Variants in COG5 observed in about 807,000 individuals in gnomAD.
The protein encoded by COG5 is conserved oligomeric Golgi complex subunit 5.
COG5 carries 86 observed loss-of-function variants against 110.4 expected under a neutral mutation model. The ratio of observed to expected loss-of-function variants is 0.78; its 90% CI spans 0.65 to 0.93. The LOEUF (loss-of-function observed/expected upper bound fraction) is 0.93, where lower values mean the gene tolerates loss of function less well. COG5 is among the 40% of genes least tolerant of loss of function. The pLI is 0.00. For synonymous variants in COG5, 360 were observed against 334.6 expected (o/e 1.08, Z -0.83); for missense variants, 1,077 against 987.0 (o/e 1.09, Z -1.22).
At chr7:107,219,225 G>C (rs538203362) in intron 19 of COG5, among the ~76,000 whole-genome samples, 1 of 152,072 alleles carries the variant, frequency 6.6e-6, no homozygotes. Flanking sequence ...GGGAACCCTT[G>C]TACACTGTTG....
intron 6 of COG5, among the ~76,000 whole-genome samples, chr7:107,437,385 G>A (rs1297757217): frequency 6.6e-6 from 1 of 152,114 alleles, no homozygotes; most frequent in Non-Finnish European, 1.5e-5. Flanking sequence ...GCCAAAACCT[G>A]AGGTTTAGGC....
chr7:107,335,790 C>T (rs1359303351), intron 10 of COG5, among the ~76,000 whole-genome samples: 1 of 152,082 alleles, frequency 6.6e-6, no homozygotes, highest in Non-Finnish European at 1.5e-5. Flanking sequence ...ATATTCTATG[C>T]AACTGGAAAC....
In COG5 at chr7:107,211,138, C is replaced by CA; in HGVS notation, c.2255dup (p.Leu752PhefsTer8). On this transcript the variant is annotated frameshift_variant, in exon 20 of 22. Transcript: ENST00000297135. LOFTEE classifies it high-confidence loss of function. ...TCAGTTCAGCGGGTGCTCTCGTGAA[C>CA]AAAAACTGAATAATGATGCTGAACG... is the stretch of plus-strand genomic sequence containing the variant. 3.1e-6 allele frequency: 5 copies of CA among 1,614,046 alleles called. No homozygotes were observed. The highest frequency in any genetic ancestry group is 4.2e-6 in the Non-Finnish European group (5 of 1,179,992).
At chr7:107,284,568 A>G (rs180701317) in intron 12 of COG5, among the ~76,000 whole-genome samples, 100 of 152,330 alleles carry the variant, frequency 6.6e-4, no homozygotes, top group African/African-American at 2.4e-3. Flanking sequence ...AAAAGTATTT[A>G]TGGAAGTCCT....
At chr7:107,408,337 G>C (rs1792016159) in intron 7 of COG5, among the ~76,000 whole-genome samples, 1 of 152,178 alleles carries the variant, frequency 6.6e-6, no homozygotes, top group African/African-American at 2.4e-5. Context: ...TAGATGAGCT[G>C]ATTTCCAAGT....
chr7:107,206,163 G>A (rs1346185321), intron 21 of COG5, among the ~76,000 whole-genome samples: 2 of 152,008 alleles, frequency 1.3e-5, no homozygotes, highest in Non-Finnish European at 1.5e-5. Flanking sequence ...GGGTTTCACC[G>A]TGTTGGCCAG....
intron 19 of COG5, among the ~76,000 whole-genome samples, chr7:107,227,077 G>C (rs1246176491): frequency 6.6e-6 from 1 of 152,124 alleles, no homozygotes; most frequent in African/African-American, 2.4e-5. Context: ...GAAAAAACTT[G>C]GCTCCCTGTC....
intron 10 of COG5, among the ~76,000 whole-genome samples, chr7:107,330,526 T>C (rs1001700690): frequency 1.3e-5 from 2 of 152,212 alleles, no homozygotes; most frequent in Non-Finnish European, 2.9e-5. Context: ...TTTTTCTCTT[T>C]ATAACACCAA....
chr7:107,282,948 T>C (rs1017297514), intron 13 of COG5, among the ~76,000 whole-genome samples: 2 of 152,236 alleles, frequency 1.3e-5, no homozygotes, highest in African/African-American at 4.8e-5. Context: ...TCTACTATTA[T>C]GACAACTTGT....
chr7:107,349,845 A>C (rs1473522610), intron 10 of COG5, among the ~76,000 whole-genome samples: 4 of 152,176 alleles, frequency 2.6e-5, no homozygotes, highest in Non-Finnish European at 5.9e-5. Flanking sequence ...GGCGTGAGCC[A>C]CAGCGCCCAG....
intron 7 of COG5, among the ~76,000 whole-genome samples, chr7:107,386,560 G>C (rs991141981): frequency 6.6e-6 from 1 of 152,060 alleles, no homozygotes; most frequent in Admixed American, 6.5e-5. Context: ...CTCCAAGTTT[G>C]GGGGGGATTG....
chr7:107,403,272 T>C (rs537149908), intron 7 of COG5, among the ~76,000 whole-genome samples: 134 of 152,288 alleles, frequency 8.8e-4, no homozygotes, highest in Middle Eastern at 3.4e-3. Context: ...ACTGGGCTTA[T>C]AAACAAGAGA....
chr7:107,515,854 G>T (rs1429536714), intron 6 of COG5, among the ~76,000 whole-genome samples: 1 of 152,146 alleles, frequency 6.6e-6, no homozygotes, highest in Non-Finnish European at 1.5e-5. Context: ...GCAAAATAAA[G>T]TTTCTAAGCC....
At chr7:107,458,997 A>C (rs1384879237) in intron 6 of COG5, among the ~76,000 whole-genome samples, 1 of 151,888 alleles carries the variant, frequency 6.6e-6, no homozygotes, top group Non-Finnish European at 1.5e-5. Context: ...GTAAAATGGA[A>C]ATGTAAAAAT....
At chr7:107,243,121 G>A (rs753065551) in intron 17 of COG5, among the ~76,000 whole-genome samples, 55 of 152,010 alleles carry the variant, frequency 3.6e-4, no homozygotes, top group Non-Finnish European at 6.6e-4. Flanking sequence ...ACTACATAAC[G>A]GTAAGGGTTC....
chr7:107,315,340 C>G (rs1446112108), intron 11 of COG5, among the ~76,000 whole-genome samples: 2 of 152,014 alleles, frequency 1.3e-5, no homozygotes, highest in Admixed American at 1.3e-4. Context: ...CAATGTATCT[C>G]TTATTCATTC....
At chr7:107,328,725 A>C (rs1342483390) in intron 10 of COG5, among the ~76,000 whole-genome samples, 1 of 152,246 alleles carries the variant, frequency 6.6e-6, no homozygotes, top group Non-Finnish European at 1.5e-5. Flanking sequence ...AAAACTCTTA[A>C]GAAATTTCAC....
intron 7 of COG5, among the ~76,000 whole-genome samples, chr7:107,390,956 G>A (rs1790580649): frequency 6.6e-6 from 1 of 151,776 alleles, no homozygotes; most frequent in Admixed American, 6.6e-5. Flanking sequence ...TATGGCTGAA[G>A]GCACCCTAAT....
intron 6 of COG5, among the ~76,000 whole-genome samples, chr7:107,521,417 G>A (rs555616186): frequency 1.8e-4 from 28 of 152,100 alleles, no homozygotes; most frequent in Non-Finnish European, 4.0e-4. Flanking sequence ...CTAATATCCA[G>A]CATCTACAAG....
Sources: gnomAD v4.1 joint callset for allele counts (sites outside exome capture counted in the v4.1 genomes callset) on GRCh38, gnomAD v4.1.1 for gene constraint, MANE v1.5 for transcripts, NCBI Gene and HGNC (gene_info 2026-07-23, HGNC 2026-07-21) for gene names.